Variants in TENM2 observed in about 807,000 individuals in gnomAD.
TENM2 encodes the protein teneurin transmembrane protein 2, also known as teneurin-2.
In TENM2, 52 loss-of-function variants were observed where a neutral mutation model predicts 245.2. The ratio of observed to expected loss-of-function variants is 0.21; its 90% CI spans 0.17 to 0.27. TENM2 has a LOEUF of 0.27. Ranked by LOEUF, TENM2 falls within the 10% of genes least tolerant of loss-of-function variation. The pLI is 1.00. For synonymous variants in TENM2, 1,363 were observed against 1,438.9 expected, an observed-to-expected ratio of 0.95 and a Z score of 1.19; for missense variants, 3,046 against 3,666.8, an observed-to-expected ratio of 0.83 and a Z score of 4.37.
At chr5:167,921,619 T>C (rs1404302154) in intron 3 of TENM2, among the ~76,000 whole-genome samples, 1 of 152,126 alleles carries the variant, frequency 6.6e-6, no homozygotes, top group Non-Finnish European at 1.5e-5. Context: ...GGTACATAAC[T>C]GTTTGAGAAA....
the TENM2 span, among the ~76,000 whole-genome samples, chr5:167,195,510 T>C: frequency 6.6e-6 from 1 of 151,992 alleles, no homozygotes; most frequent in African/African-American, 2.4e-5. Context: ...GTTTGTATCA[T>C]GAAAGCAGCT....
intron 5 of TENM2, among the ~76,000 whole-genome samples, chr5:168,012,943 C>G (rs1251421821): frequency 1.3e-5 from 2 of 152,166 alleles, no homozygotes; most frequent in Non-Finnish European, 2.9e-5. Context: ...ATTCCCAGCA[C>G]TTTGGTTTTA....
intron 1 of TENM2, among the ~76,000 whole-genome samples, chr5:167,354,463 T>C (rs564500594): frequency 1.4e-5 from 2 of 144,444 alleles, no homozygotes; most frequent in East Asian, 3.9e-4. Context: ...CCTTTTTCTA[T>C]ATATTCTCTA....
chr5:168,258,387 G>A (rs1767871270), intron 27 of TENM2, among the ~76,000 whole-genome samples: 1 of 152,104 alleles, frequency 6.6e-6, no homozygotes. Context: ...TGTAGTCCCA[G>A]CTACTCGGGA....
At chr5:168,026,135 C>T (rs889902523) in intron 5 of TENM2, among the ~76,000 whole-genome samples, 5 of 152,182 alleles carry the variant, frequency 3.3e-5, no homozygotes, top group African/African-American at 1.2e-4. Context: ...AGGTGGGCCT[C>T]TTCTTGGCCT....
chr5:167,782,595 G>A (rs1764273900), intron 2 of TENM2, among the ~76,000 whole-genome samples: 1 of 152,068 alleles, frequency 6.6e-6, no homozygotes, highest in African/African-American at 2.4e-5. Flanking sequence ...CGGCTTTATT[G>A]TAAATGCAAG....
intron 1 of TENM2, among the ~76,000 whole-genome samples, chr5:167,368,975 G>T (rs906827478): frequency 6.6e-6 from 1 of 152,108 alleles, no homozygotes; most frequent in Non-Finnish European, 1.5e-5. Flanking sequence ...GGATCCCCGC[G>T]CTGGTCTCCA....
chr5:167,612,957 T>A (rs1473367556), intron 2 of TENM2, among the ~76,000 whole-genome samples: 1 of 152,150 alleles, frequency 6.6e-6, no homozygotes, highest in Non-Finnish European at 1.5e-5. Flanking sequence ...CAATTTGGAT[T>A]CCAGCTAAGG....
intron 2 of TENM2, among the ~76,000 whole-genome samples, chr5:167,677,902 C>T (rs1342770107): frequency 6.6e-6 from 1 of 151,502 alleles, no homozygotes; most frequent in Non-Finnish European, 1.5e-5. Context: ...TGTAGAAGAA[C>T]TAGAAATAGT....
At chr5:167,870,571 G>GTATA (rs1561877693) in intron 2 of TENM2, among the ~76,000 whole-genome samples, 107 of 124,348 alleles carry the variant, frequency 8.6e-4, no homozygotes, top group Non-Finnish European at 1.3e-3. Context: ...ATATATATAT[G>GTATA]TGTGTGTATA....
chr5:168,093,133 A>G (rs1793083652), intron 8 of TENM2, among the ~76,000 whole-genome samples: 1 of 152,160 alleles, frequency 6.6e-6, no homozygotes, highest in Non-Finnish European at 1.5e-5. Flanking sequence ...AGCCAACTAA[A>G]TCCTTTTCCC....
intron 1 of TENM2, among the ~76,000 whole-genome samples, chr5:167,310,327 C>T (rs921977143): frequency 6.6e-6 from 1 of 152,184 alleles, no homozygotes; most frequent in Non-Finnish European, 1.5e-5. Context: ...TCTCACAGCT[C>T]CACTCATGCT....
At chr5:168,017,943 T>C (rs1283412601) in intron 5 of TENM2, among the ~76,000 whole-genome samples, 1 of 152,184 alleles carries the variant, frequency 6.6e-6, no homozygotes, top group Non-Finnish European at 1.5e-5. Context: ...TCCGTCCCCA[T>C]CTTCCCATCT....
intron 2 of TENM2, among the ~76,000 whole-genome samples, chr5:167,698,679 G>GTTT (rs1225922111): frequency 0.03 from 2,875 of 97,400 alleles, 223 homozygotes; most frequent in African/African-American, 0.11. Context: ...TTTGTTTTTT[G>GTTT]TTTTTTTTTT....
chr5:167,950,104 G>A (rs1779962594), intron 3 of TENM2, among the ~76,000 whole-genome samples: 1 of 152,132 alleles, frequency 6.6e-6, no homozygotes, highest in East Asian at 1.9e-4. Flanking sequence ...ATTTCCCCCA[G>A]GAAGCTCTAG....
At chr5:168,168,849 A>G (rs1758544353) in intron 13 of TENM2, among the ~76,000 whole-genome samples, 1 of 152,166 alleles carries the variant, frequency 6.6e-6, no homozygotes, top group Non-Finnish European at 1.5e-5. Context: ...GAATTCGTCT[A>G]TCCACTCATC....
At chr5:167,653,745 A>G (rs1754639789) in intron 2 of TENM2, 1 of 152,348 alleles carries the variant, frequency 6.6e-6, no homozygotes, top group Non-Finnish European at 1.5e-5. Flanking sequence ...TCAATACGCT[A>G]CATTTCTCTG....
Position 167,438,401 on chromosome 5 carries a change from G to C in TENM2, c.502+62928G>C, listed in dbSNP as rs186034683. Among the ~76,000 whole-genome samples the C allele has an allele frequency of 1.2e-4, 18 of 152,258 alleles. No individual in the cohort carries two copies. The East Asian group carries it at 3.5e-3, about 29-fold the overall frequency. ...AAAATGGTGTTCTTCTAGGTGTTCA[G>C]CTTTGCAATCAACATACTAAATGGA... On this transcript the variant is annotated intron_variant, in intron 2 of 28. Coordinates refer to ENST00000518659, the Ensembl canonical transcript of TENM2.
At chr5:167,372,212 C>A (rs926043624) in intron 1 of TENM2, among the ~76,000 whole-genome samples, 2 of 152,126 alleles carry the variant, frequency 1.3e-5, no homozygotes, top group Non-Finnish European at 2.9e-5. Flanking sequence ...CAATGCTGTT[C>A]CTTTGTGGCT....
Sources: gnomAD v4.1 joint callset for allele counts (sites outside exome capture counted in the v4.1 genomes callset) on GRCh38, gnomAD v4.1.1 for gene constraint, MANE v1.5 for transcripts, NCBI Gene and HGNC (gene_info 2026-07-23, HGNC 2026-07-21) for gene names.